C1orf54: variants seen among roughly 807,000 people sequenced by gnomAD.
The protein encoded by C1orf54 is uncharacterized protein C1orf54.
Under a neutral mutation model 14.7 loss-of-function variants are expected in C1orf54, and 12 were observed. That is an observed-to-expected ratio of 0.82 (90% CI 0.52 to 1.32). C1orf54 has a LOEUF of 1.32. Ranked by LOEUF, C1orf54 falls within the 40% of genes most tolerant of loss-of-function variation. The pLI, the probability that C1orf54 is intolerant of heterozygous loss-of-function variation, is 0.00. For missense variants in C1orf54, 163 were observed against 162.2 expected, an observed-to-expected ratio of 1.00 and a Z score of -0.03; for synonymous variants, 65 against 56.3, an observed-to-expected ratio of 1.16 and a Z score of -0.70.
intron 4 of C1orf54, among the ~76,000 whole-genome samples, chr1:150,277,194 T>C (rs1018986420): frequency 6.6e-6 from 1 of 151,940 alleles, no homozygotes; most frequent in Non-Finnish European, 1.5e-5. Flanking sequence ...GGAGGAAGAA[T>C]AGTTATTCCA....
At position 150,272,864 on chromosome 1, in the gene C1orf54, G is replaced by A. The variant is rs1560040653; in HGVS notation, c.46+1G>A. ...ATCTTTGCTGTGCCACTTATCCTGG[G>A]TAAGTCCACTCCTCTCTCTGAGCTT... On this transcript the variant is annotated splice_donor_variant, in intron 1 of 5. Coordinates refer to ENST00000369099, the MANE Select transcript of C1orf54 (RefSeq NM_024579.4). LOFTEE classifies it high-confidence loss of function. 6.2e-7 allele frequency: 1 copy of A among 1,614,002 alleles called. No individual in the cohort carries two copies. Among genetic ancestry groups the A allele is most frequent in the East Asian group, 2.2e-5 (1 of 44,872 alleles).
chr1:150,273,055 A>G (rs1228678192), intron 1 of C1orf54, among the ~76,000 whole-genome samples, 192 bp downstream of exon 1: 11 of 152,182 alleles, frequency 7.2e-5, no homozygotes, highest in African/African-American at 2.7e-4. Context: ...GGAAAAAAGC[A>G]GAGTCCTGTC....
In C1orf54 at chr1:150,280,817, C is replaced by A; in HGVS notation, c.*4-18C>A. The A allele has an allele frequency of 6.5e-7, 1 of 1,548,602 alleles. No homozygotes were observed. ...TCTCCTGACTCCTTTTATTTTCTTT[C>A]TTTCTCTGCTTTTTTAGGTGGAAGA... On this transcript the variant is annotated intron_variant, in intron 5 of 5. Coordinates refer to ENST00000369099, the MANE Select transcript of C1orf54 (RefSeq NM_024579.4).
At chr1:150,268,957 G>C, upstream of C1orf54, 2 of 643,988 alleles carry the variant, frequency 3.1e-6, no homozygotes, top group South Asian at 3.9e-5. Context: ...GGAAGGGGAA[G>C]GGGGGGAACC....
intron 4 of C1orf54, 112 bp from the exon 5 acceptor site, chr1:150,279,531 A>G: frequency 1.0e-6 from 1 of 987,374 alleles, no homozygotes; most frequent in South Asian, 1.6e-5. Context: ...AGCCCAAAGG[A>G]AAGGAAGACA....
At chr1:150,269,819 G>C (rs1455224229), upstream of C1orf54, among the ~76,000 whole-genome samples, 5 of 152,076 alleles carry the variant, frequency 3.3e-5, no homozygotes, top group African/African-American at 1.2e-4. Flanking sequence ...CCAGCACTTT[G>C]GGAGGCCAGG....
In C1orf54 at chr1:150,279,623, G is replaced by T; in HGVS notation, c.301-20G>T. The T allele has an allele frequency of 2.5e-6, 4 of 1,602,236 alleles. No homozygotes were observed. The South Asian group carries it at 4.5e-5, about 18-fold the overall frequency. ...GGAATGACACCAGCCTACTGTGTGGGGATGTCGGTATTTTAGCAGAGTCCA... is the reference window on the plus strand; with the variant it reads ...GGAATGACACCAGCCTACTGTGTGGTGATGTCGGTATTTTAGCAGAGTCCA... On this transcript the variant is annotated intron_variant, in intron 4 of 5. Coordinates refer to ENST00000369099, the MANE Select transcript of C1orf54 (RefSeq NM_024579.4).
rs71083896 is a variant in C1orf54 at position 150,277,502 on chromosome 1, T to TAAAA, written c.300+892_300+895dup. On this transcript the variant is annotated intron_variant, in intron 4 of 5. Transcript: ENST00000369099. The stretch of plus-strand genomic sequence containing the variant: ...TGGGCGACAGAGTGAGACTCTATAC[T>TAAAA]AAAAAAAAAAAAAAAAAAAAAAAAA... Among the ~76,000 whole-genome samples, 363 of 41,228 alleles carry TAAAA rather than the reference T, an allele frequency of 8.8e-3. 49 individuals carry two copies. The highest frequency in any genetic ancestry group is 0.013 in the South Asian group (6 of 456). The allele number at this position is 41,228 out of a possible 152,430, so 27.0% of individuals were successfully genotyped here.
chr1:150,273,958 G>A (rs1652419302), intron 1 of C1orf54, 129 bp from the exon 2 acceptor site: 1 of 673,012 alleles, frequency 1.5e-6, no homozygotes, highest in Non-Finnish European at 2.7e-6. Context: ...ATGACTATTG[G>A]AGGAGAGAGA....
intron 3 of C1orf54, 112 bp downstream of exon 3, chr1:150,275,911 T>A: frequency 1.1e-6 from 1 of 882,512 alleles, no homozygotes; most frequent in Non-Finnish European, 1.7e-6. Context: ...CCAAGGCGAG[T>A]GGATCATTTG....
chr1:150,275,338 A>AT (rs1314503434), intron 2 of C1orf54, among the ~76,000 whole-genome samples: 27,094 of 140,506 alleles, frequency 0.19, 3,082 homozygotes, highest in Non-Finnish European at 0.27. Context: ...GCCCGGCCAA[A>AT]TTTTTTTTTT....
At chr1:150,269,954 T>C (rs1652079860), upstream of C1orf54, among the ~76,000 whole-genome samples, 1 of 152,162 alleles carries the variant, frequency 6.6e-6, no homozygotes, top group Admixed American at 6.5e-5. Context: ...CAAATATAGC[T>C]TGAACCCAAG....
Position 150,274,140 on chromosome 1 carries a change from G to A in C1orf54, c.100G>A (p.Val34Ile). The A allele has an allele frequency of 1.2e-6, 2 of 1,612,440 alleles. No individual in the cohort carries two copies. The highest frequency in any genetic ancestry group is 4.5e-5 in the East Asian group (2 of 44,866). ...GGGAGAGGATGAATATTATCAGGTG[G>A]TCTATTATTATACAGTCACCCCCAG... ...RLGEDEYYQVVYYYTVTPSYD... is the reference protein window; with the variant it reads ...RLGEDEYYQVIYYYTVTPSYD... The change falls in exon 2 of 6, where the codon GTC becomes ATC. Residue 34 changes from valine to isoleucine, a missense_variant. Transcript: ENST00000369099.
chr1:150,276,406 T>TTAA, intron 3 of C1orf54, 116 bp from the exon 4 acceptor site: 1 of 795,890 alleles, frequency 1.3e-6, no homozygotes, highest in Non-Finnish European at 2.1e-6. Flanking sequence ...ATCCCTGAGC[T>TTAA]TAAGTCTTTG....
At chr1:150,276,440 G>A (rs953577963) in intron 3 of C1orf54, 82 bp from the exon 4 acceptor site, 23 of 1,144,434 alleles carry the variant, frequency 2.0e-5, no homozygotes, top group Middle Eastern at 2.0e-4. Context: ...TGGTGAAGGG[G>A]AGAACTTTAA....
upstream of C1orf54, chr1:150,272,368 G>A: frequency 5.9e-6 from 1 of 169,438 alleles, no homozygotes; most frequent in Non-Finnish European, 1.3e-5. Context: ...GTGACGAAAA[G>A]AGACTGATGA....
intron 4 of C1orf54, 61 bp downstream of exon 4, chr1:150,276,693 C>G: frequency 1.5e-6 from 2 of 1,337,240 alleles, no homozygotes; most frequent in South Asian, 1.2e-5. Context: ...ACGTGGAATA[C>G]ATAGAGGGCT....
chr1:150,274,599 C>CA lies in C1orf54; in HGVS notation c.130+441dup, dbSNP rs782444221. Among the ~76,000 whole-genome samples, 326 of 135,362 alleles carry CA rather than the reference C, an allele frequency of 2.4e-3. 1 individual carries two copies. The highest frequency in any genetic ancestry group is 3.8e-3 in the Middle Eastern group (1 of 262). 88.8% of individuals were successfully genotyped at this position (135,362 alleles called of 152,430 possible). A position where few individuals can be genotyped will look rare whatever the true frequency, so the allele number is the denominator to read the frequency against. ...TGGGTGACAGAGCAAGACTCCATCT[C>CA]AAAAAAAAAAAATGAAAAAAGATTT... On this transcript the variant is annotated intron_variant, in intron 2 of 5. Transcript: ENST00000369099.
chr1:150,272,764 G>A (rs1652302715), upstream of C1orf54: 4 of 1,595,106 alleles, frequency 2.5e-6, no homozygotes, highest in Non-Finnish European at 1.7e-6. Context: ...TAAGTTTGGT[G>A]GGAAACTCTG....
Sources: allele counts gnomAD v4.1 joint callset (sites outside exome capture counted in the v4.1 genomes callset), GRCh38; gene constraint gnomAD v4.1.1; transcripts MANE v1.5; gene names NCBI Gene and HGNC (gene_info 2026-07-23, HGNC 2026-07-21).